Variants in MGMT observed in about 807,000 individuals in gnomAD.
The protein encoded by MGMT is methylated-DNA--protein-cysteine methyltransferase.
Under a neutral mutation model 15.9 loss-of-function variants are expected in MGMT, and 14 were observed. That is an observed-to-expected ratio of 0.88 (90% CI 0.58 to 1.37). The LOEUF is 1.37. Among genes scored for constraint, MGMT ranks in the 40% most tolerant of loss-of-function variants. The pLI is 0.00. For synonymous variants in MGMT, 130 were observed against 118.2 expected, an observed-to-expected ratio of 1.10 and a Z score of -0.65; for missense variants, 282 against 268.1, an observed-to-expected ratio of 1.05 and a Z score of -0.36.
intron 2 of MGMT, among the ~76,000 whole-genome samples, chr10:129,646,719 A>AATATATATATAT (rs10543851): frequency 1.5e-3 from 123 of 81,526 alleles, no homozygotes; most frequent in African/African-American, 2.2e-3. Context: ...GCCCATCAGA[A>AATATATATATAT]ATATATATAT....
At chr10:129,706,746 G>A (rs1848167937) in intron 2 of MGMT, among the ~76,000 whole-genome samples, 1 of 152,202 alleles carries the variant, frequency 6.6e-6, no homozygotes, top group Non-Finnish European at 1.5e-5. Flanking sequence ...GCCCCAGGTG[G>A]CAGCGGGAGA....
At chr10:129,595,610 G>A (rs75607372) in intron 2 of MGMT, among the ~76,000 whole-genome samples, 4,933 of 152,192 alleles carry the variant, frequency 0.032, 131 homozygotes, top group South Asian at 0.057. Flanking sequence ...TGGGCGCTGC[G>A]ATACTCTTCT....
chr10:129,593,584 T>C (rs1168361932), intron 2 of MGMT, among the ~76,000 whole-genome samples: 1 of 152,248 alleles, frequency 6.6e-6, no homozygotes, highest in Admixed American at 6.5e-5. Flanking sequence ...TCTGACATTC[T>C]CTTAAGCTTT....
At chr10:129,649,903 C>A (rs933490939) in intron 2 of MGMT, among the ~76,000 whole-genome samples, 3 of 152,172 alleles carry the variant, frequency 2.0e-5, no homozygotes, top group African/African-American at 7.2e-5. Context: ...CATATTTAAA[C>A]TGTTTATCTT....
intron 2 of MGMT, among the ~76,000 whole-genome samples, chr10:129,605,849 C>CTG (rs1056286096): frequency 6.6e-6 from 1 of 151,470 alleles, no homozygotes; most frequent in Admixed American, 6.6e-5. Flanking sequence ...ACCCGTTGTG[C>CTG]TGTGTGTGTG....
intron 1 of MGMT, among the ~76,000 whole-genome samples, chr10:129,485,363 C>A (rs928536794): frequency 1.3e-5 from 2 of 152,210 alleles, no homozygotes; most frequent in African/African-American, 4.8e-5. Flanking sequence ...CCCTCCTCCT[C>A]CTTGGCACAG....
chr10:129,619,704 TC>T (rs1847069373), intron 2 of MGMT, among the ~76,000 whole-genome samples: 3 of 151,922 alleles, frequency 2.0e-5, no homozygotes, highest in Admixed American at 6.6e-5. Flanking sequence ...TATCTGTCTT[TC>T]AAAGAGTTTG....
At chr10:129,548,861 G>T (rs1846125451) in intron 2 of MGMT, among the ~76,000 whole-genome samples, 1 of 152,220 alleles carries the variant, frequency 6.6e-6, no homozygotes, top group Non-Finnish European at 1.5e-5. Flanking sequence ...AGGCCAGGCT[G>T]GTCCTCCAGG....
intron 2 of MGMT, chr10:129,694,266 C>T (rs1328168827): frequency 2.0e-5 from 3 of 152,250 alleles, no homozygotes; most frequent in East Asian, 1.9e-4. Context: ...CCCCTGGCTC[C>T]GGGGTTTGCA....
intron 2 of MGMT, among the ~76,000 whole-genome samples, chr10:129,590,853 G>C (rs1035572439): frequency 1.3e-5 from 2 of 152,228 alleles, no homozygotes; most frequent in African/African-American, 2.4e-5. Context: ...GGTGCAGTGT[G>C]CAGGTTAAAC....
At chr10:129,622,671 G>A (rs192632389) in intron 2 of MGMT, among the ~76,000 whole-genome samples, 1 of 152,080 alleles carries the variant, frequency 6.6e-6, no homozygotes, top group Admixed American at 6.6e-5. Flanking sequence ...TTTATGTTTT[G>A]TGTATATGTG....
rs145304551 is a variant in MGMT at position 129,487,912 on chromosome 10, GGTGTGTGTGTGT to G, written c.-13+20629_-13+20640del. On this transcript the variant is annotated intron_variant, in intron 1 of 4. Transcript: ENST00000651593. ...TGTGTGTATATATATACCATATAGG[GGTGTGTGTGTGT>G]GTGTGTGTGTGTATATATATACACA... Among the ~76,000 whole-genome samples the G allele has an allele frequency of 1.7e-4, 23 of 137,658 alleles. No homozygotes were observed. In the South Asian group the frequency reaches 5.3e-3, roughly 32 times the overall value. The allele number at this position is 137,658 out of a possible 152,430, so 90.3% of individuals were successfully genotyped here.
chr10:129,570,236 A>G (rs1227394677), intron 2 of MGMT, among the ~76,000 whole-genome samples: 1 of 152,260 alleles, frequency 6.6e-6, no homozygotes, highest in Non-Finnish European at 1.5e-5. Context: ...ACAAAAGGCT[A>G]TGTTACTTTG....
At chr10:129,530,576 C>T (rs961951566) in intron 1 of MGMT, among the ~76,000 whole-genome samples, 4 of 152,224 alleles carry the variant, frequency 2.6e-5, no homozygotes, top group Non-Finnish European at 5.9e-5. Flanking sequence ...TGGGTTTCTC[C>T]TCACTTCTCA....
intron 3 of MGMT, among the ~76,000 whole-genome samples, chr10:129,709,998 C>G (rs1359770892): frequency 3.3e-5 from 5 of 152,220 alleles, no homozygotes; most frequent in African/African-American, 1.2e-4. Flanking sequence ...TCACTTCTGC[C>G]CATGGCAGTG....
intron 1 of MGMT, among the ~76,000 whole-genome samples, chr10:129,472,806 T>C (rs560340206): frequency 3.3e-5 from 5 of 150,106 alleles, no homozygotes; most frequent in Non-Finnish European, 7.4e-5. Flanking sequence ...CTTGGCCACA[T>C]TTGCCACCTC....
rs910438813 is a variant in MGMT at position 129,556,615 on chromosome 10, G to C, written c.125+20238G>C. On this transcript the variant is annotated intron_variant, in intron 2 of 4. Transcript: ENST00000651593. This position sits in a 1 kb window ranked among gnomAD's most constrained non-coding sequence, Gnocchi z 4.3. ...CGTCTTGCTGCAGCGGGAACGTCCTGCTGTAGAAGAGGCGCCGCCATCCCA... is the reference window on the plus strand; with the variant it reads ...CGTCTTGCTGCAGCGGGAACGTCCTCCTGTAGAAGAGGCGCCGCCATCCCA... Among the ~76,000 whole-genome samples, 5 of 152,200 alleles carry C rather than the reference G, an allele frequency of 3.3e-5. No homozygotes were observed. Among genetic ancestry groups the C allele is most frequent in the African/African-American group, 1.2e-4 (5 of 41,454 alleles).
intron 2 of MGMT, among the ~76,000 whole-genome samples, chr10:129,551,689 C>T (rs1336396728): frequency 6.6e-6 from 1 of 152,210 alleles, no homozygotes; most frequent in Non-Finnish European, 1.5e-5. Context: ...TCTTTCCTTA[C>T]TCTCTTATTT....
At chr10:129,740,846 GCCTGGTA>G (rs1474809110) in intron 3 of MGMT, among the ~76,000 whole-genome samples, 5 of 152,194 alleles carry the variant, frequency 3.3e-5, no homozygotes, top group African/African-American at 2.4e-5. Context: ...ACTGAACCGA[GCCTGGTA>G]CCTAGTAAGC....
Sources: allele counts gnomAD v4.1 joint callset (sites outside exome capture counted in the v4.1 genomes callset), GRCh38; gene constraint gnomAD v4.1.1; non-coding constraint Gnocchi (gnomAD v3.1); transcripts MANE v1.5; gene names NCBI Gene and HGNC (gene_info 2026-07-23, HGNC 2026-07-21).